Variants in RALYL observed in about 807,000 individuals in gnomAD.
RALYL encodes RNA-binding Raly-like protein.
Under a neutral mutation model 35.1 loss-of-function variants are expected in RALYL, and 29 were observed. The observed-to-expected ratio is 0.83, with a 90% CI of 0.61 to 1.13. The LOEUF (loss-of-function observed/expected upper bound fraction) is 1.13, where lower values mean the gene tolerates loss of function less well. RALYL is among the 50% of genes most tolerant of loss of function. The pLI, the probability that RALYL is intolerant of heterozygous loss-of-function variation, is 0.00. For synonymous variants in RALYL, 120 were observed against 127.6 expected, an observed-to-expected ratio of 0.94 and a Z score of 0.40; for missense variants, 359 against 360.4, an observed-to-expected ratio of 1.00 and a Z score of 0.03.
chr8:84,195,057 A>G (rs1814894053), intron 1 of RALYL, among the ~76,000 whole-genome samples: 1 of 152,162 alleles, frequency 6.6e-6, no homozygotes, highest in African/African-American at 2.4e-5. Context: ...CCCTCTGCAC[A>G]GCATGTTAAA....
At chr8:84,539,888 G>GTATATATATA (rs1564110851) in intron 2 of RALYL, among the ~76,000 whole-genome samples, 2 of 49,202 alleles carry the variant, frequency 4.1e-5, no homozygotes, top group African/African-American at 1.5e-4. Flanking sequence ...GTATATATAT[G>GTATATATATA]TGTGTGTGTG....
At chr8:84,501,252 G>T (rs1414674846) in intron 1 of RALYL, among the ~76,000 whole-genome samples, 1 of 152,080 alleles carries the variant, frequency 6.6e-6, no homozygotes, top group Non-Finnish European at 1.5e-5. Context: ...TGTTTCTTTT[G>T]CTCTCCGAAG....
intron 5 of RALYL, among the ~76,000 whole-genome samples, chr8:84,853,229 T>C (rs1174424101): frequency 6.6e-6 from 1 of 152,180 alleles, no homozygotes; most frequent in East Asian, 1.9e-4. Context: ...CTGGTTTGAA[T>C]GCCTCTGACA....
intron 2 of RALYL, among the ~76,000 whole-genome samples, chr8:84,757,050 G>T (rs960258379): frequency 8.6e-5 from 13 of 151,946 alleles, no homozygotes; most frequent in African/African-American, 2.9e-4. Context: ...CTAACAAGAA[G>T]AATTTGAATT....
chr8:84,447,780 T>C (rs1248416315), intron 1 of RALYL, among the ~76,000 whole-genome samples: 1 of 152,026 alleles, frequency 6.6e-6, no homozygotes, highest in Non-Finnish European at 1.5e-5. Flanking sequence ...TTTATTTGGG[T>C]ATATTAGTGT....
chr8:84,343,579 G>A (rs902931276), intron 1 of RALYL, among the ~76,000 whole-genome samples: 1 of 151,872 alleles, frequency 6.6e-6, no homozygotes, highest in South Asian at 2.1e-4. Flanking sequence ...TCAGGAAGAA[G>A]CACAGATAAA....
At chr8:84,375,888 C>T (rs1199216347) in intron 1 of RALYL, among the ~76,000 whole-genome samples, 1 of 151,846 alleles carries the variant, frequency 6.6e-6, no homozygotes, top group Non-Finnish European at 1.5e-5. Context: ...AGAAACACAA[C>T]TGCCATTGTA....
At chr8:84,307,940 G>A (rs974632602) in intron 1 of RALYL, among the ~76,000 whole-genome samples, 1 of 151,988 alleles carries the variant, frequency 6.6e-6, no homozygotes, top group Admixed American at 6.6e-5. Context: ...AAGTCCTTGA[G>A]TTGTGTAAAG....
intron 1 of RALYL, among the ~76,000 whole-genome samples, chr8:84,341,158 A>AT (rs11291365): frequency 0.52 from 65,910 of 127,742 alleles, 17,734 homozygotes; most frequent in East Asian, 0.61. Context: ...TAACCAGGTG[A>AT]TTTTTTTTTT....
chr8:84,529,009 T>A (rs543151322), intron 1 of RALYL, among the ~76,000 whole-genome samples: 39 of 152,276 alleles, frequency 2.6e-4, no homozygotes, highest in African/African-American at 8.7e-4. Flanking sequence ...TGCAAAATAG[T>A]TAGACTTAAA....
At chr8:84,643,992 C>G (rs1359384376) in intron 2 of RALYL, among the ~76,000 whole-genome samples, 1 of 151,980 alleles carries the variant, frequency 6.6e-6, no homozygotes, top group Non-Finnish European at 1.5e-5. Flanking sequence ...GGTCTCTAGG[C>G]ATGGTCTGTT....
In RALYL at chr8:84,372,884, C is replaced by CTTT. The variant is rs1586678809; in HGVS notation, c.-23-156414_-23-156413insTTT. Among the ~76,000 whole-genome samples, 16 of 18,712 alleles carry CTTT rather than the reference C, an allele frequency of 8.6e-4. No individual in the cohort carries two copies. In the East Asian group the frequency reaches 0.011, roughly 13 times the overall value. 12.3% of individuals were successfully genotyped at this position (18,712 alleles called of 152,430 possible). ...TTTTTCTCCACAACCATGCCAGCAT[C>CTTT]TGTTTTTTTTTTTTTTTTTTTTTTT... On this transcript the variant is annotated intron_variant, in intron 1 of 8. Coordinates refer to ENST00000521268, the MANE Select transcript of RALYL (RefSeq NM_173848.7).
chr8:84,650,342 C>A (rs1193528393), intron 2 of RALYL, among the ~76,000 whole-genome samples: 1 of 151,800 alleles, frequency 6.6e-6, no homozygotes, highest in Non-Finnish European at 1.5e-5. Context: ...GGCTAATATC[C>A]AGAATCTACA....
chr8:84,660,888 T>C (rs1192118798), intron 2 of RALYL, among the ~76,000 whole-genome samples: 1 of 152,032 alleles, frequency 6.6e-6, no homozygotes, highest in Non-Finnish European at 1.5e-5. Flanking sequence ...TTAATATACA[T>C]ATAAAATGTC....
At chr8:84,801,897 T>C (rs1379034460) in intron 3 of RALYL, among the ~76,000 whole-genome samples, 1 of 152,148 alleles carries the variant, frequency 6.6e-6, no homozygotes, top group Admixed American at 6.5e-5. Context: ...GAGGTTGAAA[T>C]GGTGATGTAG....
intron 1 of RALYL, among the ~76,000 whole-genome samples, chr8:84,221,288 T>G (rs899333991): frequency 1.7e-5 from 1 of 59,110 alleles, no homozygotes; most frequent in Non-Finnish European, 4.5e-5. Context: ...GGAAAGCGGG[T>G]GTGTGTGTGT....
At chr8:84,602,176 G>A (rs974648238) in intron 2 of RALYL, among the ~76,000 whole-genome samples, 4 of 151,960 alleles carry the variant, frequency 2.6e-5, no homozygotes, top group African/African-American at 9.7e-5. Flanking sequence ...TCTTTCCCTC[G>A]AGCTCCAGAC....
chr8:84,635,762 A>G (rs1824929923), intron 2 of RALYL, among the ~76,000 whole-genome samples: 1 of 151,766 alleles, frequency 6.6e-6, no homozygotes, highest in Non-Finnish European at 1.5e-5. Flanking sequence ...GGCTCTTAGC[A>G]TGGTGCGCAG....
chr8:84,769,031 TTTTA>T, intron 2 of RALYL, among the ~76,000 whole-genome samples: 1 of 152,326 alleles, frequency 6.6e-6, no homozygotes, highest in Admixed American at 6.5e-5. Flanking sequence ...GTCTCAAGCT[TTTTA>T]TTTATTGATG....
Sources: gnomAD v4.1 joint callset for allele counts (sites outside exome capture counted in the v4.1 genomes callset) on GRCh38, gnomAD v4.1.1 for gene constraint, MANE v1.5 for transcripts, NCBI Gene and HGNC (gene_info 2026-07-23, HGNC 2026-07-21) for gene names.